The following SUCLG2 variants were observed in gnomAD, a reference collection of about 807,000 sequenced individuals.
The protein encoded by SUCLG2 is succinate--CoA ligase [GDP-forming] subunit beta, mitochondrial.
Under a neutral mutation model 47.9 loss-of-function variants are expected in SUCLG2, and 42 were observed. The observed-to-expected ratio is 0.88, with a 90% confidence interval of 0.69 to 1.14. The LOEUF (loss-of-function observed/expected upper bound fraction) is 1.14, where lower values mean the gene tolerates loss of function less well. Among genes scored for constraint, SUCLG2 ranks in the 50% most tolerant of loss-of-function variants. The pLI is 0.00. For missense variants in SUCLG2, 571 were observed against 525.9 expected (o/e 1.09, Z -0.84); for synonymous variants, 195 against 197.3 (o/e 0.99, Z 0.10).
At chr3:67,479,853 T>C (rs560351270) in intron 9 of SUCLG2, among the ~76,000 whole-genome samples, 1 of 152,274 alleles carries the variant, frequency 6.6e-6, no homozygotes, top group African/African-American at 2.4e-5. Context: ...AAGTCCTCCA[T>C]GAGGGAGTTG....
chr3:67,616,795 A>G (rs1164407182), intron 1 of SUCLG2, among the ~76,000 whole-genome samples: 2 of 152,242 alleles, frequency 1.3e-5, no homozygotes, highest in African/African-American at 4.8e-5. Context: ...TCTGTTATAC[A>G]GAACTACCAC....
In SUCLG2 at chr3:67,429,491, A is replaced by T. The variant is rs560791953; in HGVS notation, c.1063-28640T>A. Among the ~76,000 whole-genome samples, 194 of 152,332 alleles carry T rather than the reference A, an allele frequency of 1.3e-3. No homozygotes were observed. The Middle Eastern group carries it at 0.014, about 11-fold the overall frequency. ...GAATAACCGGTACCAGCCACTGCAA[A>T]AACGTGCCAAGTTGTAAAGACCATC... is the stretch of plus-strand genomic sequence containing the variant. On this transcript the variant is annotated intron_variant, in intron 9 of 10. Coordinates refer to ENST00000307227, the MANE Select transcript of SUCLG2 (RefSeq NM_003848.4).
intron 10 of SUCLG2, among the ~76,000 whole-genome samples, chr3:67,386,912 C>A (rs1702271937): frequency 6.6e-6 from 1 of 152,160 alleles, no homozygotes; most frequent in African/African-American, 2.4e-5. Flanking sequence ...GCTGGTGTAC[C>A]CCCATCCTTT....
At chr3:67,628,735 C>T in intron 1 of SUCLG2, among the ~76,000 whole-genome samples, 1 of 152,194 alleles carries the variant, frequency 6.6e-6, no homozygotes, top group Non-Finnish European at 1.5e-5. Context: ...CTTTGCTTCT[C>T]CTTTGCCTTC....
intron 6 of SUCLG2, among the ~76,000 whole-genome samples, chr3:67,513,152 C>T (rs1456895141): frequency 6.9e-6 from 1 of 144,866 alleles, no homozygotes; most frequent in Non-Finnish European, 1.5e-5. Context: ...GTCCTCAAGC[C>T]CCATCCATAC....
exon 11 of SUCLG2, chr3:67,360,555 A>G: frequency 1.4e-6 from 2 of 1,405,854 alleles, no homozygotes; most frequent in South Asian, 1.5e-5. Flanking sequence ...ACCCAAATGT[A>G]AAAAAATAAT....
intron 1 of SUCLG2, among the ~76,000 whole-genome samples, chr3:67,632,344 A>G (rs531385661): frequency 6.6e-6 from 1 of 152,026 alleles, no homozygotes; most frequent in Non-Finnish European, 1.5e-5. Flanking sequence ...CACCACACCC[A>G]GCTAATTTTT....
At chr3:67,423,429 A>AT (rs1418490868) in intron 9 of SUCLG2, among the ~76,000 whole-genome samples, 2 of 152,170 alleles carry the variant, frequency 1.3e-5, no homozygotes, top group East Asian at 3.9e-4. Flanking sequence ...AATTTTATGC[A>AT]TTTCCATAAA....
chr3:67,539,194 T>C (rs1033237032), intron 2 of SUCLG2, among the ~76,000 whole-genome samples: 32 of 152,290 alleles, frequency 2.1e-4, no homozygotes, highest in African/African-American at 7.7e-4. Flanking sequence ...TGGCTGTGGG[T>C]TTTTCATAAA....
At chr3:67,424,714 C>G (rs1703255365) in intron 9 of SUCLG2, among the ~76,000 whole-genome samples, 1 of 152,222 alleles carries the variant, frequency 6.6e-6, no homozygotes, top group South Asian at 2.1e-4. Context: ...ACTAAAACCA[C>G]CAGCATCACT....
intron 5 of SUCLG2, 103 bp downstream of exon 5, chr3:67,520,379 A>C: frequency 2.6e-6 from 4 of 1,512,786 alleles, no homozygotes; most frequent in African/African-American, 1.4e-5. Context: ...CTTAAATTGT[A>C]GAGACAGATT....
chr3:67,497,840 G>A (rs1705386722), intron 8 of SUCLG2, among the ~76,000 whole-genome samples: 2 of 152,006 alleles, frequency 1.3e-5, no homozygotes, highest in South Asian at 2.1e-4. Flanking sequence ...TCACAAGTGG[G>A]GGTTGTTAGT....
At chr3:67,617,878 G>A (rs985093816) in intron 1 of SUCLG2, among the ~76,000 whole-genome samples, 14 of 152,154 alleles carry the variant, frequency 9.2e-5, no homozygotes, top group Non-Finnish European at 1.8e-4. Context: ...AAATATAAAA[G>A]AGGAGGAAAG....
At chr3:67,541,358 C>T (rs988822097) in intron 2 of SUCLG2, among the ~76,000 whole-genome samples, 14 of 152,066 alleles carry the variant, frequency 9.2e-5, no homozygotes, top group African/African-American at 2.9e-4. Context: ...TTGAGAAGAA[C>T]ATAAATGACC....
At chr3:67,648,418 G>A (rs1048860115) in intron 1 of SUCLG2, among the ~76,000 whole-genome samples, 5 of 152,192 alleles carry the variant, frequency 3.3e-5, no homozygotes, top group African/African-American at 1.2e-4. Flanking sequence ...AAAAAGATGG[G>A]GAAAGGTAAG....
intron 9 of SUCLG2, among the ~76,000 whole-genome samples, chr3:67,476,155 T>C (rs763696394): frequency 6.6e-6 from 1 of 152,088 alleles, no homozygotes; most frequent in South Asian, 2.1e-4. Flanking sequence ...ATTCATGTTA[T>C]ACAGCTGTCC....
intron 10 of SUCLG2, among the ~76,000 whole-genome samples, chr3:67,387,286 G>A (rs976155093): frequency 6.6e-6 from 1 of 152,158 alleles, no homozygotes; most frequent in Non-Finnish European, 1.5e-5. Flanking sequence ...GAGTGCATCA[G>A]TATTGGTGTA....
At chr3:67,392,929 C>A (rs1702425080) in intron 10 of SUCLG2, among the ~76,000 whole-genome samples, 1 of 152,076 alleles carries the variant, frequency 6.6e-6, no homozygotes, top group South Asian at 2.1e-4. Flanking sequence ...ATCCTCCTGC[C>A]TCAGTCTCCT....
At chr3:67,440,933 G>C (rs571600791) in intron 9 of SUCLG2, among the ~76,000 whole-genome samples, 3 of 152,162 alleles carry the variant, frequency 2.0e-5, no homozygotes, top group Non-Finnish European at 4.4e-5. Context: ...GCACACTTAT[G>C]TTTACTGCAG....
Sources: gnomAD v4.1 joint callset for allele counts (sites outside exome capture counted in the v4.1 genomes callset) on GRCh38, gnomAD v4.1.1 for gene constraint, MANE v1.5 for transcripts, NCBI Gene and HGNC (gene_info 2026-07-23, HGNC 2026-07-21) for gene names.